TTC28: variants seen among roughly 807,000 people sequenced by gnomAD.
The protein encoded by TTC28 is tetratricopeptide repeat protein 28.
A neutral mutation model predicts 198.0 loss-of-function variants in TTC28; 61 were observed. That is an observed-to-expected ratio of 0.31 (90% confidence interval 0.25 to 0.38). The LOEUF is 0.38. TTC28 is among the 10% of genes least tolerant of loss of function. TTC28 has a pLI of 1.00. For missense variants in TTC28, 2,678 were observed against 3,164.0 expected, an observed-to-expected ratio of 0.85 and a Z score of 3.69; for synonymous variants, 1,171 against 1,297.8, an observed-to-expected ratio of 0.90 and a Z score of 2.10.
At chr22:28,305,012 G>A (rs990185491) in intron 3 of TTC28, among the ~76,000 whole-genome samples, 11 of 133,448 alleles carry the variant, frequency 8.2e-5, no homozygotes, top group South Asian at 2.3e-4. Context: ...ATTTTGAGAC[G>A]GAGTCTCACT....
intron 2 of TTC28, among the ~76,000 whole-genome samples, chr22:28,411,350 T>C (rs956833870): frequency 6.6e-6 from 1 of 152,172 alleles, no homozygotes; most frequent in Non-Finnish European, 1.5e-5. Context: ...GCATTCCTAC[T>C]CACAGAATAG....
intron 5 of TTC28, among the ~76,000 whole-genome samples, chr22:28,283,908 A>T (rs1468304184): frequency 6.6e-6 from 1 of 152,190 alleles, no homozygotes; most frequent in Non-Finnish European, 1.5e-5. Context: ...AAGTAACTGC[A>T]GAAATGACCA....
chr22:28,079,365 G>T (rs1941264222), intron 12 of TTC28, among the ~76,000 whole-genome samples: 1 of 152,120 alleles, frequency 6.6e-6, no homozygotes, highest in Admixed American at 6.6e-5. Flanking sequence ...AAAAATTTGT[G>T]ATAAAAACAT....
intron 2 of TTC28, among the ~76,000 whole-genome samples, chr22:28,584,339 C>T (rs2050278496): frequency 6.6e-6 from 1 of 152,170 alleles, no homozygotes; most frequent in African/African-American, 2.4e-5. Flanking sequence ...AGGCTTCTCC[C>T]CAGGAACCTG....
intron 2 of TTC28, among the ~76,000 whole-genome samples, chr22:28,368,876 T>C (rs1053620650): frequency 6.6e-6 from 1 of 151,954 alleles, no homozygotes; most frequent in East Asian, 1.9e-4. Flanking sequence ...AAAACACTGA[T>C]GAAAGAAACT....
intron 13 of TTC28, among the ~76,000 whole-genome samples, chr22:28,024,278 A>G (rs1938731555): frequency 6.6e-6 from 1 of 152,182 alleles, no homozygotes; most frequent in Non-Finnish European, 1.5e-5. Flanking sequence ...TCCAAGATGG[A>G]TTTGTGAAAG....
chr22:28,338,577 A>T (rs1393720290), intron 2 of TTC28, among the ~76,000 whole-genome samples: 1 of 151,946 alleles, frequency 6.6e-6, no homozygotes, highest in African/African-American at 2.4e-5. Context: ...TTCTCGCTTC[A>T]TTTCATTCAT....
chr22:28,661,421 T>C (rs1250677023), intron 1 of TTC28, among the ~76,000 whole-genome samples: 2 of 152,130 alleles, frequency 1.3e-5, no homozygotes, highest in African/African-American at 4.8e-5. Flanking sequence ...TAACATTCAT[T>C]TATTCATTTA....
intron 1 of TTC28, among the ~76,000 whole-genome samples, chr22:28,655,310 C>G (rs534653834): frequency 5.3e-5 from 8 of 152,254 alleles, no homozygotes; most frequent in Admixed American, 3.9e-4. Flanking sequence ...CATGTATTAT[C>G]TATCCATTTC....
chr22:27,994,927 C>T (rs1358366832), intron 17 of TTC28, among the ~76,000 whole-genome samples: 1 of 152,164 alleles, frequency 6.6e-6, no homozygotes, highest in Non-Finnish European at 1.5e-5. Context: ...TACAGGGTAA[C>T]AGTGGAGAGG....
At chr22:28,038,238 T>C (rs1939447210) in intron 12 of TTC28, among the ~76,000 whole-genome samples, 1 of 152,154 alleles carries the variant, frequency 6.6e-6, no homozygotes, top group Non-Finnish European at 1.5e-5. Context: ...AGAACAAAGC[T>C]GGAGGCATCA....
At chr22:28,424,778 G>C (rs933699446) in intron 2 of TTC28, among the ~76,000 whole-genome samples, 4 of 152,130 alleles carry the variant, frequency 2.6e-5, no homozygotes, top group Non-Finnish European at 5.9e-5. Context: ...ATATGTTCCT[G>C]TTTCACAAAC....
intron 12 of TTC28, among the ~76,000 whole-genome samples, chr22:28,090,294 C>T (rs1370148215): frequency 6.6e-6 from 1 of 151,928 alleles, no homozygotes; most frequent in Non-Finnish European, 1.5e-5. Flanking sequence ...TATATAATTA[C>T]AAAATTTAAA....
chr22:28,267,530 C>A (rs567259395), intron 5 of TTC28, among the ~76,000 whole-genome samples: 1 of 152,258 alleles, frequency 6.6e-6, no homozygotes, highest in African/African-American at 2.4e-5. Context: ...TCTTTTGATC[C>A]TTTACCTATG....
intron 2 of TTC28, among the ~76,000 whole-genome samples, chr22:28,418,540 T>C (rs1401516817): frequency 1.3e-5 from 2 of 152,202 alleles, no homozygotes; most frequent in African/African-American, 2.4e-5. Context: ...GCTCAAAGTG[T>C]GGGTCACAAA....
rs555538713 is a variant in TTC28, at chr22:28,186,651, T to A, written c.934-23052A>T. On this transcript the variant is annotated intron_variant, in intron 5 of 22. Transcript: ENST00000397906. ...CCAGAAGGTTCCATTCAAAGTATCATGGTATTAAATAGAGACTGCTGGAAA... is the reference window on the plus strand; with the variant it reads ...CCAGAAGGTTCCATTCAAAGTATCAAGGTATTAAATAGAGACTGCTGGAAA... 7.9e-5 allele frequency among the ~76,000 whole-genome samples: 12 copies of A among 152,288 alleles called. No homozygotes were observed. In the South Asian group the frequency reaches 2.5e-3, roughly 32 times the overall value.
In TTC28 at chr22:28,023,650, A is replaced by G. The variant is rs557732759; in HGVS notation, c.4073+6576T>C. Among the ~76,000 whole-genome samples the G allele has an allele frequency of 6.4e-4, 98 of 152,350 alleles. 1 individual carries two copies. In the South Asian group the frequency reaches 0.02, roughly 31 times the overall value. On this transcript the variant is annotated intron_variant, in intron 13 of 22. Coordinates refer to ENST00000397906, the MANE Select transcript of TTC28 (RefSeq NM_001145418.2). ...GAGAACTTCCAGAGCTGGATTAGTC[A>G]GAGTTGTCTGAAGACAGAATATGCT...
intron 2 of TTC28, among the ~76,000 whole-genome samples, chr22:28,625,682 T>G (rs2051067516): frequency 6.6e-6 from 1 of 152,274 alleles, no homozygotes; most frequent in Middle Eastern, 3.4e-3. Context: ...AAGAAATTGA[T>G]AAGCTGATTC....
chr22:28,211,844 T>A (rs372328506), intron 5 of TTC28, among the ~76,000 whole-genome samples: 1 of 152,054 alleles, frequency 6.6e-6, no homozygotes, highest in African/African-American at 2.4e-5. Context: ...CTCAGCACCA[T>A]ATCGCACTTA....
Sources: gnomAD v4.1 joint callset for allele counts (sites outside exome capture counted in the v4.1 genomes callset) on GRCh38, gnomAD v4.1.1 for gene constraint, MANE v1.5 for transcripts, NCBI Gene and HGNC (gene_info 2026-07-23, HGNC 2026-07-21) for gene names.